Variants in TRMT2B observed in about 807,000 individuals in gnomAD.
The protein encoded by TRMT2B is tRNA (uracil-5-)-methyltransferase homolog B.
A neutral mutation model predicts 39.7 loss-of-function variants in TRMT2B; 34 were observed. That is an observed-to-expected ratio of 0.86 (90% CI 0.65 to 1.14). TRMT2B has a LOEUF of 1.14. Ranked by LOEUF, TRMT2B falls within the 50% of genes most tolerant of loss-of-function variation. The pLI is 0.00. For missense variants in TRMT2B, 318 were observed against 377.2 expected (o/e 0.84, Z 1.30); for synonymous variants, 132 against 137.3 (o/e 0.96, Z 0.27).
rs765285910 is a variant in TRMT2B, at chrX:101,023,486, G to C, written c.740C>G (p.Pro247Arg). The change falls in exon 8 of 14, where the codon CCC becomes CGC. Residue 247 changes from proline to arginine, a missense_variant. Pro to Arg is a moderately radical substitution (Grantham distance 103). Coordinates refer to ENST00000372936, the MANE Select transcript of TRMT2B (RefSeq NM_024917.6). The part of the protein sequence containing the change: ...GHTMAIITFH[P>R]QKLSQEELHV... ...GAGGCTCACCTGACTTAATTTCTGG[G>C]GATGGAAAGTGATGATAGCCATTGT... The C allele has an allele frequency of 2.5e-6, 3 of 1,208,399 alleles. No individual in the cohort carries two copies.
chrX:101,021,355 G>A (rs754895121), intron 9 of TRMT2B, 40 bp from the exon 10 acceptor site: 1 of 1,140,496 alleles, frequency 8.8e-7, no homozygotes, highest in South Asian at 2.0e-5. Context: ...TGAGCTGTGA[G>A]CGGTGGCTCA....
At chrX:101,045,639 AC>A (rs2088610744) in intron 2 of TRMT2B, among the ~76,000 whole-genome samples, 1 of 104,245 alleles carries the variant, frequency 9.6e-6, no homozygotes, top group Admixed American at 1.1e-4. Context: ...AAACAAACAA[AC>A]AAAAAAAATT....
intron 7 of TRMT2B, 86 bp downstream of exon 7, chrX:101,035,527 G>A (rs2087783543): frequency 1.2e-6 from 1 of 803,843 alleles, no homozygotes. Flanking sequence ...CACTAGAATT[G>A]GCTCTATTAT....
intron 7 of TRMT2B, among the ~76,000 whole-genome samples, chrX:101,032,139 A>T: frequency 9.0e-6 from 1 of 110,720 alleles, no homozygotes; most frequent in East Asian, 2.9e-4. Flanking sequence ...TACAAAAATT[A>T]GCCAAGCGTG....
At chrX:101,036,050 C>T (rs1048647794) in intron 6 of TRMT2B, among the ~76,000 whole-genome samples, 3 of 111,996 alleles carry the variant, frequency 2.7e-5, no homozygotes, top group African/African-American at 9.7e-5. Context: ...GCCAAGTGCA[C>T]GCCCTAACGA....
chrX:101,041,799 G>A (rs768691313), intron 3 of TRMT2B, among the ~76,000 whole-genome samples: 26 of 111,828 alleles, frequency 2.3e-4, no homozygotes, highest in Non-Finnish European at 4.0e-4. Flanking sequence ...TTAAAGACAA[G>A]GTCCCAGATT....
At chrX:101,006,529 G>A (rs189406872), downstream of TRMT2B, among the ~76,000 whole-genome samples, 8 of 111,021 alleles carry the variant, frequency 7.2e-5, no homozygotes, top group Non-Finnish European at 1.3e-4. Context: ...TTGGCCGGGC[G>A]CAGTGGCTCA....
the TRMT2B span, chrX:100,990,549 A>G: frequency 1.8e-6 from 2 of 1,137,440 alleles, no homozygotes; most frequent in East Asian, 3.4e-5. Context: ...GTTCCTGTAT[A>G]TCTATATTCT....
the TRMT2B span, among the ~76,000 whole-genome samples, chrX:100,981,717 G>A: frequency 8.3e-5 from 9 of 108,654 alleles, no homozygotes; most frequent in Admixed American, 3.0e-4. Context: ...GCTAAGGTGG[G>A]AGGATCACTT....
Position 101,029,823 on chromosome X carries a change from G to C in TRMT2B, c.609+5790C>G, listed in dbSNP as rs760828994. ...CCACATCTGGAGTGACCACAGAGGG[G>C]GACCTGATAAGTCAAAAGGCTTATC... On this transcript the variant is annotated intron_variant, in intron 7 of 13. Transcript: ENST00000372936. Among the ~76,000 whole-genome samples, 327 of 111,748 alleles carry C rather than the reference G, an allele frequency of 2.9e-3. 1 individual carries two copies. The highest frequency in any genetic ancestry group is 9.6e-3 in the African/African-American group (296 of 30,849).
the TRMT2B span, among the ~76,000 whole-genome samples, chrX:100,986,307 A>G: frequency 1.8e-5 from 2 of 111,541 alleles, no homozygotes; most frequent in African/African-American, 6.5e-5. Flanking sequence ...ATTGATGCCA[A>G]TGACCTCCTC....
the TRMT2B span, among the ~76,000 whole-genome samples, chrX:100,984,983 A>G: frequency 8.9e-6 from 1 of 112,570 alleles, no homozygotes; most frequent in Non-Finnish European, 1.9e-5. Flanking sequence ...TAAACCATAG[A>G]ATTTACAACA....
intron 7 of TRMT2B, among the ~76,000 whole-genome samples, chrX:101,032,299 G>A (rs2087524267): frequency 1.0e-5 from 1 of 97,107 alleles, no homozygotes; most frequent in African/African-American, 3.9e-5. Flanking sequence ...AAAAATTCAG[G>A]AAGAGGGGCT....
In TRMT2B at chrX:101,009,879, G is replaced by T. The variant is rs1252438938; in HGVS notation, c.*702C>A. ...CTACCTCAAGAATCCAGAAGTCTTA[G>T]AAATATCTAAAAATTGTAGCATCTC... On this transcript the variant is annotated 3_prime_UTR_variant, in exon 14 of 14. Transcript: ENST00000372936. 2 of 109,576 alleles carry T rather than the reference G, an allele frequency of 1.8e-5. No individual in the cohort carries two copies. Among genetic ancestry groups the T allele is most frequent in the South Asian group, 3.9e-4 (1 of 2,557 alleles). 9.0% of individuals were successfully genotyped at this position (109,576 alleles called of 1,213,427 possible). A position where few individuals can be genotyped will look rare whatever the true frequency, so the allele number is the denominator to read the frequency against.
chrX:100,978,373 T>C, the TRMT2B span, among the ~76,000 whole-genome samples: 2 of 111,766 alleles, frequency 1.8e-5, no homozygotes, highest in African/African-American at 6.5e-5. Context: ...ATTTGCTTTG[T>C]ATATCTGGGT....
intron 4 of TRMT2B, among the ~76,000 whole-genome samples, chrX:101,038,371 CAAAAAA>C (rs57481304): frequency 5.7e-5 from 2 of 35,207 alleles, no homozygotes; most frequent in African/African-American, 9.4e-5. Context: ...AACTCCGTCT[CAAAAAA>C]AAAAAAAAAA....
intron 2 of TRMT2B, among the ~76,000 whole-genome samples, chrX:101,044,964 A>G (rs1439524788): frequency 2.0e-5 from 2 of 101,019 alleles, no homozygotes; most frequent in East Asian, 6.7e-4. Flanking sequence ...TGGGAGGTGG[A>G]GGTTGCAATG....
intron 7 of TRMT2B, among the ~76,000 whole-genome samples, chrX:101,024,474 T>A (rs887885645): frequency 4.5e-5 from 5 of 111,163 alleles, no homozygotes; most frequent in African/African-American, 1.6e-4. Flanking sequence ...CGTGGGAGGA[T>A]TGCTTATGTC....
chrX:101,016,921 TC>T (rs1304805844), intron 13 of TRMT2B, among the ~76,000 whole-genome samples: 2 of 111,471 alleles, frequency 1.8e-5, no homozygotes, highest in African/African-American at 6.5e-5. Context: ...ATGCCTATAA[TC>T]CCAGCACTTT....
Sources: allele counts gnomAD v4.1 joint callset (sites outside exome capture counted in the v4.1 genomes callset), GRCh38; gene constraint gnomAD v4.1.1; transcripts MANE v1.5; gene names NCBI Gene and HGNC (gene_info 2026-07-23, HGNC 2026-07-21).